Variants in CACNA1E observed in about 807,000 individuals in gnomAD.
CACNA1E encodes calcium voltage-gated channel subunit alpha1 E, also known as voltage-dependent R-type calcium channel subunit alpha-1E.
CACNA1E carries 40 observed loss-of-function variants against 259.2 expected under a neutral mutation model. The observed-to-expected ratio is 0.15, with a 90% CI of 0.12 to 0.20. The LOEUF (loss-of-function observed/expected upper bound fraction) is 0.20, where lower values mean the gene tolerates loss of function less well. Among genes scored for constraint, CACNA1E ranks in the 10% least tolerant of loss-of-function variants. The pLI is 1.00. For missense variants in CACNA1E, 1,874 were observed against 3,040.1 expected (o/e 0.62, Z 9.02); for synonymous variants, 1,104 against 1,138.5 (o/e 0.97, Z 0.61).
chr1:181,415,350 G>A (rs1318862487), intron 2 of CACNA1E, among the ~76,000 whole-genome samples: 1 of 152,172 alleles, frequency 6.6e-6, no homozygotes, highest in Non-Finnish European at 1.5e-5. Flanking sequence ...CCTACCTGGG[G>A]TGCTGGCGGG....
At chr1:181,636,900 G>A (rs531422708) in intron 6 of CACNA1E, among the ~76,000 whole-genome samples, 6 of 152,294 alleles carry the variant, frequency 3.9e-5, no homozygotes, top group South Asian at 2.1e-4. Context: ...TTATCAGAGC[G>A]TTTCCTAGCA....
intron 6 of CACNA1E, among the ~76,000 whole-genome samples, chr1:181,637,380 C>G (rs935348358): frequency 6.6e-6 from 1 of 152,048 alleles, no homozygotes; most frequent in Non-Finnish European, 1.5e-5. Flanking sequence ...ACTTAACTCA[C>G]TCTTGGGGAA....
rs961731787 is a variant in CACNA1E, at chr1:181,511,428, G to T, written c.430G>T (p.Val144Leu). 5 of 1,613,866 alleles carry T rather than the reference G, an allele frequency of 3.1e-6. No individual in the cohort carries two copies. Among genetic ancestry groups the T allele is most frequent in the Non-Finnish European group, 4.2e-6 (5 of 1,179,894 alleles). The change falls in exon 3 of 48, where the codon GTG (valine) becomes TTG (leucine). Residue 144 changes from valine to leucine, a missense_variant. Val to Leu is a conservative substitution (Grantham distance 32). Around this residue, in one of 14 missense-constraint regions of CACNA1E, gnomAD observed 55 missense variants for 156.5 expected, o/e 0.35. Coordinates refer to ENST00000367573, the MANE Select transcript of CACNA1E (RefSeq NM_001205293.3). ...TTGCTTTGAAGCTGGGATCAAAATT[G>T]TGGCCCTGGGGTTCATCTTCCATAA... is the stretch of plus-strand genomic sequence containing the variant. ...IFCFEAGIKI[V>L]ALGFIFHKGS...
chr1:181,558,225 A>G (rs1178671694), intron 3 of CACNA1E, among the ~76,000 whole-genome samples: 1 of 152,190 alleles, frequency 6.6e-6, no homozygotes, highest in Non-Finnish European at 1.5e-5. Flanking sequence ...GAGTTCATAT[A>G]GATGCTGGGA....
At chr1:181,400,911 G>A (rs767805667) in intron 1 of CACNA1E, among the ~76,000 whole-genome samples, 8 of 152,008 alleles carry the variant, frequency 5.3e-5, no homozygotes, top group Non-Finnish European at 1.0e-4. Flanking sequence ...GCTCTCCCAC[G>A]GTCTGTCCTC....
At chr1:181,674,608 C>A (rs982722789) in intron 7 of CACNA1E, among the ~76,000 whole-genome samples, 1 of 152,124 alleles carries the variant, frequency 6.6e-6, no homozygotes, top group Non-Finnish European at 1.5e-5. Flanking sequence ...TCCATGCCCC[C>A]TCAGCTGCGA....
intron 6 of CACNA1E, among the ~76,000 whole-genome samples, chr1:181,612,608 A>G (rs947278930): frequency 2.0e-5 from 3 of 152,176 alleles, no homozygotes; most frequent in Non-Finnish European, 2.9e-5. Context: ...ATAGTCCTTG[A>G]TGCCATTCCT....
At chr1:181,462,552 T>G (rs553783618) in intron 2 of CACNA1E, among the ~76,000 whole-genome samples, 2 of 152,226 alleles carry the variant, frequency 1.3e-5, no homozygotes, top group Non-Finnish European at 2.9e-5. Context: ...ATTTGCCATA[T>G]TTGCTTCATC....
chr1:181,725,868 T>C (rs1248163819), intron 17 of CACNA1E, among the ~76,000 whole-genome samples, 197 bp from the exon 18 acceptor site: 1 of 152,248 alleles, frequency 6.6e-6, no homozygotes, highest in East Asian at 1.9e-4. Context: ...GCTGTGAGAC[T>C]ACTGACTCCC....
intron 1 of CACNA1E, among the ~76,000 whole-genome samples, chr1:181,339,341 T>C (rs1241027197): frequency 1.3e-5 from 2 of 152,124 alleles, no homozygotes; most frequent in East Asian, 3.8e-4. Flanking sequence ...ATTTCTTTAA[T>C]CAATGTTATA....
intron 7 of CACNA1E, among the ~76,000 whole-genome samples, chr1:181,657,036 G>C (rs552492652): frequency 2.2e-4 from 33 of 152,070 alleles, no homozygotes; most frequent in Admixed American, 4.6e-4. Flanking sequence ...CTTTTGTTAA[G>C]CCATACATGA....
chr1:181,545,747 C>T (rs769502919), intron 3 of CACNA1E, among the ~76,000 whole-genome samples: 19 of 152,148 alleles, frequency 1.2e-4, no homozygotes, highest in Non-Finnish European at 2.5e-4. Flanking sequence ...CAATAGTTGT[C>T]GCCTGCCTTT....
rs1658275592 is a variant in CACNA1E at position 181,758,403 on chromosome 1, T to C, written c.4494+292T>C. Among the ~76,000 whole-genome samples, 1 of 152,156 alleles carries C rather than the reference T, an allele frequency of 6.6e-6. No individual in the cohort carries two copies. Among genetic ancestry groups the C allele is most frequent in the Non-Finnish European group, 1.5e-5 (1 of 68,016 alleles). On this transcript the variant is annotated intron_variant, in intron 31 of 47. Coordinates refer to ENST00000367573, the MANE Select transcript of CACNA1E (RefSeq NM_001205293.3). The surrounding 1 kb of genome is among the most constrained non-coding windows in gnomAD (Gnocchi z 4.2). Reference sequence around the variant, plus strand: ...AAAATCAGGAGACAGAGATCCATCATCACGGGGTCTAAAGGAGCCTTGGAG... The same window carrying C: ...AAAATCAGGAGACAGAGATCCATCACCACGGGGTCTAAAGGAGCCTTGGAG...
At chr1:181,678,878 C>T (rs1385890302) in intron 7 of CACNA1E, among the ~76,000 whole-genome samples, 1 of 152,130 alleles carries the variant, frequency 6.6e-6, no homozygotes, top group Non-Finnish European at 1.5e-5. Context: ...AAGAGATGTT[C>T]AGTAACACAT....
rs1320481293 is a variant in CACNA1E, at chr1:181,802,242, G to GTT, written c.*3412_*3413dup. ...TGCTGCTCTTCTGGCTGAAGAATCT[G>GTT]TTTTTCTTCTGGGCTTCACTTGTAG... On this transcript the variant is annotated 3_prime_UTR_variant, in exon 48 of 48. Transcript: ENST00000367573. 2 of 152,244 alleles carry GTT rather than the reference G, an allele frequency of 1.3e-5. No homozygotes were observed. The highest frequency in any genetic ancestry group is 4.8e-5 in the African/African-American group (2 of 41,446). The allele number at this position is 152,244 out of a possible 1,614,324, so 9.4% of individuals were successfully genotyped here.
intron 3 of CACNA1E, among the ~76,000 whole-genome samples, chr1:181,543,271 C>T (rs564966511): frequency 2.0e-5 from 3 of 152,148 alleles, no homozygotes; most frequent in African/African-American, 4.8e-5. Context: ...GTGCGTGTGT[C>T]GGGAGGGGAC....
At position 181,720,822 on chromosome 1, in the gene CACNA1E, T is replaced by C; in HGVS notation, c.1923T>C (p.Asp641=). Residue 641 remains aspartate, a synonymous_variant, in exon 15 of 48, where the codon GAT becomes GAC. Transcript: ENST00000367573. ...FNDGTPSANF[D]TFPAAIMTVF... ...ATGGGACTCCTTCGGCAAATTTTGA[T>C]ACCTTCCCTGCAGCCATCATGACTG... 2 of 1,612,254 alleles carry C rather than the reference T, an allele frequency of 1.2e-6. No individual in the cohort carries two copies. The highest frequency in any genetic ancestry group is 1.1e-5 in the South Asian group (1 of 90,658).
chr1:181,505,815 G>A (rs747914945), intron 1 of CACNA1E, among the ~76,000 whole-genome samples: 1 of 152,078 alleles, frequency 6.6e-6, no homozygotes, highest in Admixed American at 6.5e-5. Flanking sequence ...GGTACCTTTT[G>A]TAAGGATACC....
chr1:181,483,692 G>C lies in CACNA1E; in HGVS notation c.-53G>C, dbSNP rs58365250. 2 of 1,399,198 alleles carry C rather than the reference G, an allele frequency of 1.4e-6. No homozygotes were observed. Among genetic ancestry groups the C allele is most frequent in the East Asian group, 2.4e-5 (1 of 41,602 alleles). 86.7% of individuals were successfully genotyped at this position (1,399,198 alleles called of 1,614,324 possible). On this transcript the variant is annotated 5_prime_UTR_variant, in exon 1 of 48. Transcript: ENST00000367573. Reference sequence around the variant, plus strand: ...TGTCTTTCTGCTTGTTGCTGTGTGCGGGTGTTCGGCCGCGATCACCTTTGT... The same window carrying C: ...TGTCTTTCTGCTTGTTGCTGTGTGCCGGTGTTCGGCCGCGATCACCTTTGT...
Sources: allele counts gnomAD v4.1 joint callset (sites outside exome capture counted in the v4.1 genomes callset), GRCh38; gene constraint gnomAD v4.1.1; regional missense constraint gnomAD v4.1.1; non-coding constraint Gnocchi (gnomAD v3.1); transcripts MANE v1.5; gene names NCBI Gene and HGNC (gene_info 2026-07-23, HGNC 2026-07-21).